Variants in ASTN2 observed in about 807,000 individuals in gnomAD.
The protein encoded by ASTN2 is astrotactin-2.
ASTN2 carries 54 observed loss-of-function variants against 139.8 expected under a neutral mutation model. That is an observed-to-expected ratio of 0.39 (90% CI 0.31 to 0.48). The LOEUF (loss-of-function observed/expected upper bound fraction) is 0.48. Ranked by LOEUF, ASTN2 falls within the 20% of genes least tolerant of loss-of-function variation. ASTN2 has a pLI of 0.95. For missense variants in ASTN2, 1,565 were observed against 1,725.1 expected (o/e 0.91, Z 1.64); for synonymous variants, 756 against 719.5 (o/e 1.05, Z -0.81).
At chr9:116,924,747 G>C (rs1057063592) in intron 10 of ASTN2, among the ~76,000 whole-genome samples, 1 of 152,140 alleles carries the variant, frequency 6.6e-6, no homozygotes, top group Non-Finnish European at 1.5e-5. Context: ...GGTCACTTTT[G>C]TGGCCATCTT....
At chr9:117,165,745 A>G (rs1564457630) in intron 3 of ASTN2, among the ~76,000 whole-genome samples, 2 of 152,118 alleles carry the variant, frequency 1.3e-5, no homozygotes. Context: ...TGAGTTACGG[A>G]GCAAGTCACT....
intron 2 of ASTN2, among the ~76,000 whole-genome samples, chr9:117,223,621 C>A (rs150184814): frequency 6.6e-6 from 1 of 152,018 alleles, no homozygotes; most frequent in Non-Finnish European, 1.5e-5. Flanking sequence ...GAAAGTTATA[C>A]AAGATACCAG....
rs766919952 is a variant in ASTN2, at chr9:116,487,529, C to T, written c.3356-29G>A. 9.3e-6 allele frequency: 15 copies of T among 1,609,104 alleles called. No individual in the cohort carries two copies. In the South Asian group the frequency reaches 1.7e-4, roughly 18 times the overall value. On this transcript the variant is annotated intron_variant, in intron 19 of 22. Coordinates refer to ENST00000313400, the MANE Select transcript of ASTN2 (RefSeq NM_001365068.1). Reference sequence around the variant, plus strand: ...GAGGGAGAAAAAGAAAGATGAGCTCCCCAGCTCAGGCCATAGTGAGGAGAC... The same window carrying T: ...GAGGGAGAAAAAGAAAGATGAGCTCTCCAGCTCAGGCCATAGTGAGGAGAC...
chr9:117,247,098 A>C (rs890524651), intron 2 of ASTN2, among the ~76,000 whole-genome samples: 1 of 152,226 alleles, frequency 6.6e-6, no homozygotes, highest in African/African-American at 2.4e-5. Context: ...CAGGCAGCTA[A>C]GTGGAGTCTA....
intron 11 of ASTN2, among the ~76,000 whole-genome samples, chr9:116,853,977 A>G (rs1388010219): frequency 6.6e-6 from 1 of 152,190 alleles, no homozygotes; most frequent in Non-Finnish European, 1.5e-5. Context: ...GTTCCCCTTC[A>G]TGAAATATTA....
chr9:116,949,104 A>C (rs1286333966), intron 10 of ASTN2, among the ~76,000 whole-genome samples: 21 of 151,912 alleles, frequency 1.4e-4, no homozygotes, highest in Admixed American at 3.3e-4. Flanking sequence ...CTCTTTTTCA[A>C]AACAGTAATA....
chr9:116,969,956 A>C (rs1836138433), intron 10 of ASTN2, among the ~76,000 whole-genome samples: 1 of 152,184 alleles, frequency 6.6e-6, no homozygotes, highest in African/African-American at 2.4e-5. Context: ...GGTGTCAGCA[A>C]GGTGGTCCTC....
At chr9:116,473,459 A>G (rs1848880872) in intron 20 of ASTN2, among the ~76,000 whole-genome samples, 1 of 152,232 alleles carries the variant, frequency 6.6e-6, no homozygotes, top group East Asian at 1.9e-4. Context: ...TGATGGGGGA[A>G]AACAATCCAA....
chr9:117,410,280 C>T (rs1459170740), intron 1 of ASTN2, among the ~76,000 whole-genome samples: 3 of 152,118 alleles, frequency 2.0e-5, no homozygotes, highest in Admixed American at 6.5e-5. Context: ...ACAAGCAGAC[C>T]CCGGGGGCTG....
At chr9:116,817,300 A>C (rs984279194) in intron 12 of ASTN2, among the ~76,000 whole-genome samples, 3 of 131,948 alleles carry the variant, frequency 2.3e-5, no homozygotes, top group Admixed American at 8.3e-5. Flanking sequence ...TCTCAAAAAA[A>C]AAAAAAGAAG....
chr9:116,718,022 G>A (rs1010807961), intron 16 of ASTN2, among the ~76,000 whole-genome samples: 2 of 152,234 alleles, frequency 1.3e-5, no homozygotes, highest in East Asian at 3.8e-4. Context: ...CCCTCACAGA[G>A]CTTATAGTGC....
At chr9:116,452,678 A>G (rs1043810863) in intron 20 of ASTN2, among the ~76,000 whole-genome samples, 25 of 152,330 alleles carry the variant, frequency 1.6e-4, no homozygotes, top group African/African-American at 4.8e-4. Flanking sequence ...AAGGCTACAG[A>G]TATAGTAGTA....
At chr9:117,046,815 T>C (rs1297209757) in intron 5 of ASTN2, among the ~76,000 whole-genome samples, 1 of 152,250 alleles carries the variant, frequency 6.6e-6, no homozygotes, top group Non-Finnish European at 1.5e-5. Flanking sequence ...TAGTAGGTGC[T>C]CAATAAACAT....
chr9:116,590,145 C>G (rs551814216), intron 19 of ASTN2, among the ~76,000 whole-genome samples: 2 of 152,188 alleles, frequency 1.3e-5, no homozygotes, highest in Non-Finnish European at 2.9e-5. Context: ...AAGCCCCACC[C>G]ACTTCCAAGT....
At chr9:117,376,689 G>A (rs911368170) in intron 1 of ASTN2, among the ~76,000 whole-genome samples, 1 of 152,126 alleles carries the variant, frequency 6.6e-6, no homozygotes, top group Non-Finnish European at 1.5e-5. Flanking sequence ...GTCACAACCA[G>A]GCTGTGTCAC....
At chr9:116,587,747 G>A (rs982115374) in intron 19 of ASTN2, among the ~76,000 whole-genome samples, 1 of 152,152 alleles carries the variant, frequency 6.6e-6, no homozygotes, top group African/African-American at 2.4e-5. Context: ...TCTGGAAAAT[G>A]AGTCCAAGGA....
rs73658708 is a variant in ASTN2, at chr9:116,883,635, C to T, written c.1890-19902G>A. 9.4e-3 allele frequency among the ~76,000 whole-genome samples: 1,425 copies of T among 152,266 alleles called. 25 individuals carry two copies. The highest frequency in any genetic ancestry group is 0.031 in the African/African-American group (1,269 of 41,532). On this transcript the variant is annotated intron_variant, in intron 10 of 22. Coordinates refer to ENST00000313400, the MANE Select transcript of ASTN2 (RefSeq NM_001365068.1). ...TCTTGGGAATCTGAAACTACCCCCT[C>T]GGCCTTCCTAAGTGGCATGGAGGTT...
intron 3 of ASTN2, among the ~76,000 whole-genome samples, chr9:117,148,999 T>C (rs916499322): frequency 6.6e-6 from 1 of 151,934 alleles, no homozygotes; most frequent in Non-Finnish European, 1.5e-5. Flanking sequence ...TCTTTCTTTT[T>C]TTTTTAATTT....
chr9:116,931,054 G>T (rs1043160460), intron 10 of ASTN2, among the ~76,000 whole-genome samples: 1 of 151,534 alleles, frequency 6.6e-6, no homozygotes, highest in Non-Finnish European at 1.5e-5. Flanking sequence ...CCTACTACTC[G>T]CCCCAGCTTA....
Sources: gnomAD v4.1 joint callset for allele counts (sites outside exome capture counted in the v4.1 genomes callset) on GRCh38, gnomAD v4.1.1 for gene constraint, MANE v1.5 for transcripts, NCBI Gene and HGNC (gene_info 2026-07-23, HGNC 2026-07-21) for gene names.